MCC: variants seen among roughly 807,000 people sequenced by gnomAD.
MCC encodes MCC regulator of Wnt signaling pathway, also known as colorectal mutant cancer protein.
In MCC, 90 loss-of-function variants were observed where a neutral mutation model predicts 116.2. The observed-to-expected ratio is 0.77, with a 90% CI of 0.65 to 0.92. The LOEUF (loss-of-function observed/expected upper bound fraction) is 0.92. Among genes scored for constraint, MCC ranks in the 40% least tolerant of loss-of-function variants. The pLI is 0.00. For synonymous variants in MCC, 578 were observed against 510.5 expected (o/e 1.13, Z -1.78); for missense variants, 1,516 against 1,312.2 (o/e 1.16, Z -2.40).
chr5:113,371,197 G>T (rs187837248), intron 2 of MCC, among the ~76,000 whole-genome samples: 1 of 152,232 alleles, frequency 6.6e-6, no homozygotes, highest in African/African-American at 2.4e-5. Context: ...CTCCAGCCTG[G>T]GTGACAGACT....
intron 2 of MCC, among the ~76,000 whole-genome samples, chr5:113,384,024 C>T (rs951317848): frequency 2.0e-5 from 3 of 152,106 alleles, no homozygotes; most frequent in Admixed American, 1.3e-4. Flanking sequence ...TACTTTCTTC[C>T]GTCTCTTTGT....
chr5:113,292,835 A>C (rs926166893), intron 3 of MCC, among the ~76,000 whole-genome samples: 6 of 152,270 alleles, frequency 3.9e-5, no homozygotes, highest in African/African-American at 4.8e-5. Context: ...GTTTTCAATG[A>C]CCTTAGAAGA....
chr5:113,257,897 A>G (rs948383727), intron 3 of MCC, among the ~76,000 whole-genome samples: 1 of 152,196 alleles, frequency 6.6e-6, no homozygotes, highest in African/African-American at 2.4e-5. Flanking sequence ...AACCTCTTCC[A>G]TTACGGGAGG....
chr5:113,426,329 C>A (rs766733259), intron 1 of MCC, among the ~76,000 whole-genome samples: 35 of 152,142 alleles, frequency 2.3e-4, no homozygotes, highest in Non-Finnish European at 4.6e-4. Context: ...AACACTGGAT[C>A]TGAGAGCTAT....
chr5:113,054,001 T>C (rs934751218), intron 14 of MCC, 42 bp from the exon 15 acceptor site: 1 of 1,418,046 alleles, frequency 7.1e-7, no homozygotes, highest in South Asian at 1.2e-5. Context: ...CCTGTGTTAT[T>C]CCAAGTCATG....
intron 1 of MCC, among the ~76,000 whole-genome samples, chr5:113,464,880 A>G (rs1771852325): frequency 6.6e-6 from 1 of 152,194 alleles, no homozygotes; most frequent in South Asian, 2.1e-4. Flanking sequence ...AATGAAAAAT[A>G]AAGCATAAGT....
At position 113,027,206 on chromosome 5, in the gene MCC, T is replaced by TTCC. The variant is rs1457089895; in HGVS notation, c.*93_*95dup. ...GCCGACCTACCTGCCAGCCTTCCCT[T>TTCC]TCCTCCTCCTCCCAACAAGTACATG... On this transcript the variant is annotated 3_prime_UTR_variant, in exon 19 of 19. Transcript: ENST00000408903. 2 of 1,356,132 alleles carry TTCC rather than the reference T, an allele frequency of 1.5e-6. No homozygotes were observed. Among genetic ancestry groups the TTCC allele is most frequent in the East Asian group, 2.3e-5 (1 of 42,942 alleles). The allele number at this position is 1,356,132 out of a possible 1,614,324, so 84.0% of individuals were successfully genotyped here.
At chr5:113,197,365 G>C (rs1306264132) in intron 3 of MCC, among the ~76,000 whole-genome samples, 1 of 152,122 alleles carries the variant, frequency 6.6e-6, no homozygotes, top group Admixed American at 6.5e-5. Context: ...AAGAAGTGAA[G>C]AATGGCTACC....
At chr5:113,306,496 G>A (rs1766987666) in intron 3 of MCC, among the ~76,000 whole-genome samples, 1 of 152,082 alleles carries the variant, frequency 6.6e-6, no homozygotes, top group Non-Finnish European at 1.5e-5. Context: ...ATCTTTTCAT[G>A]TGTTTGTAGG....
At chr5:113,171,177 T>G (rs1761053783) in intron 3 of MCC, among the ~76,000 whole-genome samples, 1 of 151,640 alleles carries the variant, frequency 6.6e-6, no homozygotes, top group Admixed American at 6.6e-5. Context: ...TAATTTCCCA[T>G]CAGACAGGCA....
chr5:113,076,206 G>T (rs1329699962), intron 11 of MCC, among the ~76,000 whole-genome samples: 1 of 152,204 alleles, frequency 6.6e-6, no homozygotes, highest in Non-Finnish European at 1.5e-5. Flanking sequence ...AAGTGATGGG[G>T]AGAATGGAAC....
Position 113,382,000 on chromosome 5 carries a change from T to G in MCC, c.415+2968A>C, listed in dbSNP as rs548378491. Among the ~76,000 whole-genome samples the G allele has an allele frequency of 7.2e-5, 11 of 152,266 alleles. No homozygotes were observed. In the East Asian group the frequency reaches 1.7e-3, roughly 24 times the overall value. ...GGGTCAAAATCCAAAGATTTAGATG[T>G]GGGCAGAAAAGGAATCTTTGGATTG... On this transcript the variant is annotated intron_variant, in intron 2 of 18. Coordinates refer to ENST00000408903, the MANE Select transcript of MCC (RefSeq NM_001085377.2).
intron 1 of MCC, among the ~76,000 whole-genome samples, chr5:113,454,145 A>T (rs1771477107): frequency 1.3e-5 from 2 of 152,202 alleles, no homozygotes; most frequent in South Asian, 4.1e-4. Context: ...ATGTACATTT[A>T]AAAATATTTG....
intron 5 of MCC, among the ~76,000 whole-genome samples, chr5:113,133,457 G>C (rs77521455): frequency 0.071 from 10,819 of 151,558 alleles, 443 homozygotes; most frequent in East Asian, 0.11. Context: ...ATGTTGCTGT[G>C]ACAGGATTTC....
Position 113,333,871 on chromosome 5 carries a change from A to G in MCC, c.627+6648T>C, listed in dbSNP as rs1342250132. ...TATATGTACATATATGTATATATGT[A>G]TTCACATATACATGTATTTATATAT... On this transcript the variant is annotated intron_variant, in intron 3 of 18. Coordinates refer to ENST00000408903, the MANE Select transcript of MCC (RefSeq NM_001085377.2). Among the ~76,000 whole-genome samples, 122 of 129,680 alleles carry G rather than the reference A, an allele frequency of 9.4e-4. 2 individuals are homozygous for G. The highest frequency in any genetic ancestry group is 3.5e-3 in the African/African-American group (119 of 33,948). The allele number at this position is 129,680 out of a possible 152,430, so 85.1% of individuals were successfully genotyped here.
chr5:113,387,736 G>A (rs1342316092), intron 1 of MCC, among the ~76,000 whole-genome samples: 1 of 152,170 alleles, frequency 6.6e-6, no homozygotes, highest in Non-Finnish European at 1.5e-5. Context: ...AATGGGGATA[G>A]TAGTAGTACC....
chr5:113,053,317 G>T (rs1449712449), intron 15 of MCC, among the ~76,000 whole-genome samples: 11 of 152,112 alleles, frequency 7.2e-5, no homozygotes, highest in Non-Finnish European at 7.4e-5. Flanking sequence ...TAGGGCTCTC[G>T]GCCAAACTCT....
At chr5:113,297,025 G>T (rs1449858457) in intron 3 of MCC, among the ~76,000 whole-genome samples, 2 of 152,208 alleles carry the variant, frequency 1.3e-5, no homozygotes, top group African/African-American at 4.8e-5. Flanking sequence ...GCATTTTCAA[G>T]GGTAATGTTG....
At chr5:113,174,036 G>T (rs979602370) in intron 3 of MCC, among the ~76,000 whole-genome samples, 1 of 152,168 alleles carries the variant, frequency 6.6e-6, no homozygotes, top group African/African-American at 2.4e-5. Flanking sequence ...AAAATCAACA[G>T]AACTGGAACT....
Sources: allele counts gnomAD v4.1 joint callset (sites outside exome capture counted in the v4.1 genomes callset), GRCh38; gene constraint gnomAD v4.1.1; transcripts MANE v1.5; gene names NCBI Gene and HGNC (gene_info 2026-07-23, HGNC 2026-07-21).